The following MEMO1 variants were observed in gnomAD, a reference collection of about 807,000 sequenced individuals.
MEMO1 encodes the protein protein MEMO1.
In MEMO1, 6 loss-of-function variants were observed where a neutral mutation model predicts 45.2. The ratio of observed to expected loss-of-function variants is 0.13; its 90% CI spans 0.07 to 0.26. The LOEUF is 0.26. Among genes scored for constraint, MEMO1 ranks in the 10% least tolerant of loss-of-function variants. The pLI is 1.00. For synonymous variants in MEMO1, 78 were observed against 124.3 expected (o/e 0.63, Z 2.48); for missense variants, 184 against 370.5 (o/e 0.50, Z 4.13).
At chr2:31,881,495 T>TA (rs34058748) in intron 8 of MEMO1, among the ~76,000 whole-genome samples, 18,319 of 68,172 alleles carry the variant, frequency 0.27, 2,557 homozygotes, top group East Asian at 0.33. Context: ...AGCCTGTCTT[T>TA]AAAAAAAAAA....
intron 3 of MEMO1, among the ~76,000 whole-genome samples, chr2:31,938,186 A>G (rs1275159332): frequency 1.3e-5 from 2 of 152,180 alleles, no homozygotes; most frequent in Non-Finnish European, 2.9e-5. Flanking sequence ...TTATTCTTTA[A>G]TGGTATTTAT....
chr2:31,984,781 G>C (rs1250113227), intron 2 of MEMO1, among the ~76,000 whole-genome samples: 1 of 152,142 alleles, frequency 6.6e-6, no homozygotes, highest in Non-Finnish European at 1.5e-5. Context: ...ACTCCAGCCT[G>C]GGCGACAGAG....
At chr2:31,883,257 C>T in intron 8 of MEMO1, 129 bp downstream of exon 8, 2 of 677,048 alleles carry the variant, frequency 3.0e-6, no homozygotes, top group Non-Finnish European at 2.5e-6. Flanking sequence ...TATATGATGA[C>T]ACATTGCATT....
intron 2 of MEMO1, among the ~76,000 whole-genome samples, chr2:31,996,205 G>C (rs1558564827): frequency 6.6e-6 from 1 of 150,460 alleles, no homozygotes; most frequent in East Asian, 2.0e-4. Flanking sequence ...AGAGACAGAG[G>C]GGGAGAGAGA....
intron 2 of MEMO1, among the ~76,000 whole-genome samples, chr2:31,994,917 G>A (rs1274131669): frequency 1.3e-5 from 2 of 151,142 alleles, no homozygotes; most frequent in South Asian, 2.1e-4. Context: ...CAAGGCACTC[G>A]TGCCTTGCGG....
At chr2:32,001,068 T>C (rs1248091141) in intron 2 of MEMO1, among the ~76,000 whole-genome samples, 1 of 133,114 alleles carries the variant, frequency 7.5e-6, no homozygotes, top group East Asian at 2.5e-4. Context: ...GACAGGAGTC[T>C]CGCTCTCTCA....
intron 2 of MEMO1, among the ~76,000 whole-genome samples, chr2:31,993,335 T>C (rs369567739): frequency 6.6e-6 from 1 of 152,066 alleles, no homozygotes; most frequent in Non-Finnish European, 1.5e-5. Context: ...ACAAAACATA[T>C]AAATATGCAT....
At chr2:31,891,354 CCACAAACAGCT>C (rs1361600251) in intron 7 of MEMO1, among the ~76,000 whole-genome samples, 1 of 152,086 alleles carries the variant, frequency 6.6e-6, no homozygotes, top group Non-Finnish European at 1.5e-5. Context: ...AAAGAGGCAT[CCACAAACAGCT>C]CACTTCTCTT....
intron 2 of MEMO1, among the ~76,000 whole-genome samples, chr2:31,992,000 A>G (rs1343090818): frequency 6.6e-6 from 1 of 152,230 alleles, no homozygotes; most frequent in Non-Finnish European, 1.5e-5. Flanking sequence ...AAGTAGCTCA[A>G]CCTTCGCTTG....
At chr2:31,998,144 T>A (rs1054382316) in intron 2 of MEMO1, among the ~76,000 whole-genome samples, 3 of 152,136 alleles carry the variant, frequency 2.0e-5, no homozygotes, top group Non-Finnish European at 4.4e-5. Context: ...CCACAGTATA[T>A]GGGACTATAG....
chr2:31,954,239 T>G (rs894403755), intron 2 of MEMO1, among the ~76,000 whole-genome samples: 1 of 152,212 alleles, frequency 6.6e-6, no homozygotes. Flanking sequence ...TACACGCTCC[T>G]GCCTTTAAAT....
chr2:31,957,042 T>C (rs1298694551), intron 2 of MEMO1, among the ~76,000 whole-genome samples: 1 of 150,778 alleles, frequency 6.6e-6, no homozygotes, highest in Non-Finnish European at 1.5e-5. Flanking sequence ...CTCGGGAGGC[T>C]GAAGCAGGAG....
At chr2:31,992,763 G>A (rs1672104490) in intron 2 of MEMO1, among the ~76,000 whole-genome samples, 2 of 151,854 alleles carry the variant, frequency 1.3e-5, no homozygotes, top group South Asian at 2.1e-4. Flanking sequence ...CAGCCTGGGT[G>A]ACAGAGTGAG....
At chr2:31,996,120 C>T (rs1672565288) in intron 2 of MEMO1, among the ~76,000 whole-genome samples, 1 of 151,546 alleles carries the variant, frequency 6.6e-6, no homozygotes, top group South Asian at 2.1e-4. Context: ...AACAGCCAGG[C>T]ATGGTGGCTC....
chr2:31,953,330 G>A (rs1166201245), intron 2 of MEMO1, among the ~76,000 whole-genome samples: 1 of 134,074 alleles, frequency 7.5e-6, no homozygotes, highest in Non-Finnish European at 1.5e-5. Context: ...TCATGCCATT[G>A]CACTCCAGCC....
intron 3 of MEMO1, among the ~76,000 whole-genome samples, chr2:31,933,352 T>A (rs1558514328): frequency 0.04 from 489 of 12,156 alleles, 28 homozygotes; most frequent in East Asian, 0.067. Flanking sequence ...AAAAAAAATT[T>A]ATATATATAT....
At chr2:31,926,586 C>T (rs973099975) in intron 4 of MEMO1, among the ~76,000 whole-genome samples, 2 of 151,658 alleles carry the variant, frequency 1.3e-5, no homozygotes, top group Non-Finnish European at 2.9e-5. Context: ...CAGTGGCTCA[C>T]GCATGTAATC....
At chr2:31,899,942 C>T (rs1400864069) in intron 6 of MEMO1, among the ~76,000 whole-genome samples, 1 of 152,218 alleles carries the variant, frequency 6.6e-6, no homozygotes, top group African/African-American at 2.4e-5. Flanking sequence ...CTCATCATCA[C>T]TGGTCATTAG....
At chr2:31,969,574 G>GGT (rs1217308309) in intron 2 of MEMO1, among the ~76,000 whole-genome samples, 7 of 110,782 alleles carry the variant, frequency 6.3e-5, no homozygotes, top group South Asian at 2.9e-4. Flanking sequence ...CTTTTCTGGG[G>GGT]GTGTGTGTGT....
Sources: gnomAD v4.1 joint callset for allele counts (sites outside exome capture counted in the v4.1 genomes callset) on GRCh38, gnomAD v4.1.1 for gene constraint, MANE v1.5 for transcripts, NCBI Gene and HGNC (gene_info 2026-07-23, HGNC 2026-07-21) for gene names.